The following LMBR1 variants were observed in gnomAD, a reference collection of about 807,000 sequenced individuals.
The protein encoded by LMBR1 is limb region 1 protein homolog.
A neutral mutation model predicts 73.9 loss-of-function variants in LMBR1; 52 were observed. The observed-to-expected ratio is 0.70, with a 90% CI of 0.56 to 0.89. The LOEUF is 0.89. LMBR1 is among the 40% of genes least tolerant of loss of function. LMBR1 has a pLI of 0.00. For synonymous variants in LMBR1, 215 were observed against 209.4 expected, an observed-to-expected ratio of 1.03 and a Z score of -0.23; for missense variants, 539 against 579.8, an observed-to-expected ratio of 0.93 and a Z score of 0.72.
At position 156,679,595 on chromosome 7, in the gene LMBR1, G is replaced by A. The variant is rs186316421; in HGVS notation, c.*4483C>T. ...TCAGTAACAGCTTTTCAAAGGAAAG[G>A]AAAGGAGAAGACATTACAACAGCCA... On this transcript the variant is annotated 3_prime_UTR_variant, in exon 17 of 17. Coordinates refer to ENST00000353442, the MANE Select transcript of LMBR1 (RefSeq NM_022458.4). The A allele has an allele frequency of 1.3e-5, 2 of 152,314 alleles. No homozygotes were observed. The highest frequency in any genetic ancestry group is 1.9e-4 in the East Asian group (1 of 5,194). The allele number at this position is 152,314 out of a possible 1,614,324, so 9.4% of individuals were successfully genotyped here. A position where few individuals can be genotyped will look rare whatever the true frequency, so the allele number is the denominator to read the frequency against.
intron 4 of LMBR1, among the ~76,000 whole-genome samples, chr7:156,808,878 G>GA (rs768108426): frequency 4.0e-5 from 6 of 150,788 alleles, no homozygotes; most frequent in East Asian, 1.9e-4. Flanking sequence ...CTGTCACTTA[G>GA]AAAAAAAAAG....
rs1832852500 is a variant in LMBR1, at chr7:156,810,224, A to G, written c.320-13732T>C. Among the ~76,000 whole-genome samples the G allele has an allele frequency of 2.6e-5, 4 of 152,286 alleles. No individual in the cohort carries two copies. The South Asian group carries it at 6.2e-4, about 24-fold the overall frequency. On this transcript the variant is annotated intron_variant, in intron 4 of 16. Transcript: ENST00000353442. ...ATATGCAGAGATCACAGGAGAAGAC[A>G]GGAAGCAATGGAGAGGGGGTTGTGC...
At chr7:156,691,870 T>C (rs1416172096) in intron 15 of LMBR1, among the ~76,000 whole-genome samples, 2 of 152,188 alleles carry the variant, frequency 1.3e-5, no homozygotes, top group Admixed American at 6.5e-5. Flanking sequence ...AACCATTTTT[T>C]TGAAATAATA....
At chr7:156,767,642 C>T (rs1018165720) in intron 5 of LMBR1, among the ~76,000 whole-genome samples, 1 of 151,372 alleles carries the variant, frequency 6.6e-6, no homozygotes, top group African/African-American at 2.4e-5. Flanking sequence ...TAACTAGTAT[C>T]AAAAGTAATA....
chr7:156,692,405 G>A (rs1807403875), intron 15 of LMBR1, among the ~76,000 whole-genome samples: 7 of 152,102 alleles, frequency 4.6e-5, no homozygotes, highest in Admixed American at 2.0e-4. Context: ...GTCTTACTGT[G>A]CAAGTATATT....
At chr7:156,686,429 A>G (rs1400629982) in intron 16 of LMBR1, among the ~76,000 whole-genome samples, 1 of 152,198 alleles carries the variant, frequency 6.6e-6, no homozygotes, top group Admixed American at 6.5e-5. Flanking sequence ...ATCAAATTAC[A>G]AGTCTCAGCT....
rs145992567 is a variant in LMBR1 at position 156,884,982 on chromosome 7, C to A, written c.66+7946G>T. Among the ~76,000 whole-genome samples, 170 of 152,268 alleles carry A rather than the reference C, an allele frequency of 1.1e-3. 1 individual carries two copies. The East Asian group carries it at 0.031, about 27-fold the overall frequency. ...GCAGTAGATGAAGGATACTTCTATC[C>A]CCATTATCTCCCCACCTCCCATTTG... On this transcript the variant is annotated intron_variant, in intron 1 of 16. Coordinates refer to ENST00000353442, the MANE Select transcript of LMBR1 (RefSeq NM_022458.4).
At chr7:156,811,229 T>C (rs1016922817) in intron 4 of LMBR1, among the ~76,000 whole-genome samples, 3 of 136,758 alleles carry the variant, frequency 2.2e-5, no homozygotes, top group African/African-American at 8.1e-5. Context: ...ATAGTTTTCA[T>C]CTCTAGAATT....
At chr7:156,851,402 C>G (rs568779314) in intron 1 of LMBR1, among the ~76,000 whole-genome samples, 6 of 152,120 alleles carry the variant, frequency 3.9e-5, no homozygotes, top group Non-Finnish European at 7.4e-5. Flanking sequence ...ACACTAAGAC[C>G]CTTAGCAAGG....
At chr7:156,892,813 G>A (rs1803379828) in intron 1 of LMBR1, 115 bp downstream of exon 1, 4 of 469,314 alleles carry the variant, frequency 8.5e-6, no homozygotes, top group Non-Finnish European at 9.0e-6. Flanking sequence ...GCCGGGGCGG[G>A]AGGCGCGAGG....
At chr7:156,775,989 T>G (rs1331371319) in intron 5 of LMBR1, among the ~76,000 whole-genome samples, 2 of 151,384 alleles carry the variant, frequency 1.3e-5, no homozygotes, top group Admixed American at 1.3e-4. Flanking sequence ...GAAATGAGGA[T>G]ATGAATAGCA....
At chr7:156,852,978 G>A (rs1269978422) in intron 1 of LMBR1, among the ~76,000 whole-genome samples, 4 of 147,886 alleles carry the variant, frequency 2.7e-5, no homozygotes, top group African/African-American at 2.5e-5. Flanking sequence ...TCAATCTGTC[G>A]CCCAGGCTGG....
At chr7:156,759,062 T>C (rs756511011) in intron 8 of LMBR1, among the ~76,000 whole-genome samples, 2 of 152,192 alleles carry the variant, frequency 1.3e-5, no homozygotes, top group Non-Finnish European at 1.5e-5. Context: ...GCTGATATTC[T>C]AGTGTAGCAG....
chr7:156,775,483 A>C (rs914873615), intron 5 of LMBR1, among the ~76,000 whole-genome samples: 1 of 152,240 alleles, frequency 6.6e-6, no homozygotes, highest in African/African-American at 2.4e-5. Flanking sequence ...AATTGTAAAA[A>C]AACAGATGAA....
At chr7:156,858,404 T>C (rs573420763) in intron 1 of LMBR1, among the ~76,000 whole-genome samples, 19 of 152,346 alleles carry the variant, frequency 1.2e-4, no homozygotes, top group Non-Finnish European at 2.5e-4. Flanking sequence ...ACTAGTTCTA[T>C]GTCTATTAAA....
chr7:156,885,585 A>G (rs1242007575), intron 1 of LMBR1, among the ~76,000 whole-genome samples: 3 of 151,884 alleles, frequency 2.0e-5, no homozygotes, highest in Non-Finnish European at 4.4e-5. Flanking sequence ...TAACCCGTCC[A>G]TACAAAAATG....
At chr7:156,687,216 G>A (rs1263476981) in intron 16 of LMBR1, among the ~76,000 whole-genome samples, 1 of 152,130 alleles carries the variant, frequency 6.6e-6, no homozygotes, top group Non-Finnish European at 1.5e-5. Flanking sequence ...GCCCCAGTAT[G>A]GAGTCATATG....
At chr7:156,691,814 C>G (rs928731594) in intron 15 of LMBR1, among the ~76,000 whole-genome samples, 2 of 151,812 alleles carry the variant, frequency 1.3e-5, no homozygotes, top group Non-Finnish European at 2.9e-5. Flanking sequence ...TCCTTCTGAA[C>G]TCAAAGGTTA....
intron 5 of LMBR1, among the ~76,000 whole-genome samples, chr7:156,770,076 C>T (rs1328607888): frequency 6.6e-6 from 1 of 152,126 alleles, no homozygotes; most frequent in Non-Finnish European, 1.5e-5. Flanking sequence ...AAAATAATAA[C>T]AAGGTTGACT....
Sources: allele counts gnomAD v4.1 joint callset (sites outside exome capture counted in the v4.1 genomes callset), GRCh38; gene constraint gnomAD v4.1.1; transcripts MANE v1.5; gene names NCBI Gene and HGNC (gene_info 2026-07-23, HGNC 2026-07-21).